TENM4: variants seen among roughly 807,000 people sequenced by gnomAD.
The protein encoded by TENM4 is teneurin transmembrane protein 4.
TENM4 carries 82 observed loss-of-function variants against 243.3 expected under a neutral mutation model. The observed-to-expected ratio is 0.34, with a 90% CI of 0.28 to 0.40. TENM4 has a LOEUF of 0.40. TENM4 is among the 10% of genes least tolerant of loss of function. The pLI is 1.00. For missense variants in TENM4, 3,138 were observed against 3,673.3 expected (o/e 0.85, Z 3.77); for synonymous variants, 1,412 against 1,456.3 (o/e 0.97, Z 0.69).
At chr11:79,000,574 A>T (rs975279051) in intron 6 of TENM4, among the ~76,000 whole-genome samples, 1 of 152,216 alleles carries the variant, frequency 6.6e-6, no homozygotes, top group African/African-American at 2.4e-5. Context: ...TGACAAATTA[A>T]AATGCATTTT....
intron 6 of TENM4, among the ~76,000 whole-genome samples, chr11:79,010,366 C>A (rs1858612861): frequency 6.6e-6 from 1 of 152,086 alleles, no homozygotes; most frequent in South Asian, 2.1e-4. Context: ...TACTTTGGGC[C>A]ACTGGGGCTC....
chr11:78,881,660 C>A (rs1032476660), intron 9 of TENM4, among the ~76,000 whole-genome samples: 1 of 152,180 alleles, frequency 6.6e-6, no homozygotes, highest in Non-Finnish European at 1.5e-5. Flanking sequence ...GATCAAATGA[C>A]AAACCCCATA....
intron 1 of TENM4, among the ~76,000 whole-genome samples, chr11:79,330,014 A>C (rs933034784): frequency 6.6e-6 from 1 of 152,362 alleles, no homozygotes. Context: ...AGTGGAAATA[A>C]AGAGCAGTGG....
chr11:78,969,703 C>T (rs1384980731), intron 6 of TENM4, among the ~76,000 whole-genome samples: 1 of 152,156 alleles, frequency 6.6e-6, no homozygotes, highest in Non-Finnish European at 1.5e-5. Flanking sequence ...TGTGAGTCCT[C>T]AACAGTAACA....
At chr11:79,245,535 CA>C (rs1464277599) in intron 2 of TENM4, among the ~76,000 whole-genome samples, 1 of 152,126 alleles carries the variant, frequency 6.6e-6, no homozygotes, top group Non-Finnish European at 1.5e-5. Flanking sequence ...ACCTGAAAAG[CA>C]GGGATAATAA....
At chr11:79,087,340 C>A (rs76991328) in intron 4 of TENM4, among the ~76,000 whole-genome samples, 8 of 152,180 alleles carry the variant, frequency 5.3e-5, no homozygotes, top group African/African-American at 1.4e-4. Context: ...AACTACCCCC[C>A]AGTTAGAAGG....
chr11:79,220,081 G>C (rs968087475), intron 2 of TENM4, among the ~76,000 whole-genome samples: 1 of 152,204 alleles, frequency 6.6e-6, no homozygotes, highest in African/African-American at 2.4e-5. Flanking sequence ...GAACCTGCTG[G>C]GTCCCTGAAG....
rs368975026 is a variant in TENM4, at chr11:79,006,965, A to G, written c.493+57773T>C. ...GCCCTCCTTCATGTAGGTGGCCTTC[A>G]TTCACTCAGTTGAAGGCCTGAATAA... On this transcript the variant is annotated intron_variant, in intron 6 of 33. Coordinates refer to ENST00000278550, the MANE Select transcript of TENM4 (RefSeq NM_001098816.3). Among the ~76,000 whole-genome samples, 42 of 152,282 alleles carry G rather than the reference A, an allele frequency of 2.8e-4. No individual in the cohort carries two copies. The South Asian group carries it at 8.1e-3, about 29-fold the overall frequency.
intron 4 of TENM4, among the ~76,000 whole-genome samples, chr11:79,072,764 G>T (rs1463295193): frequency 6.6e-6 from 1 of 152,032 alleles, no homozygotes; most frequent in Non-Finnish European, 1.5e-5. Flanking sequence ...TGCTGCCTCT[G>T]CCTGTTTACT....
chr11:79,337,840 G>A (rs923015929), intron 1 of TENM4, among the ~76,000 whole-genome samples: 6 of 152,172 alleles, frequency 3.9e-5, no homozygotes, highest in African/African-American at 1.4e-4. Flanking sequence ...CCAAGGACAG[G>A]GGCAAAGTGG....
chr11:79,196,676 G>C (rs2135179664), intron 3 of TENM4, among the ~76,000 whole-genome samples: 1 of 152,188 alleles, frequency 6.6e-6, no homozygotes, highest in African/African-American at 2.4e-5. Context: ...ATTTCCAGGG[G>C]GTGCATTCTC....
intron 16 of TENM4, among the ~76,000 whole-genome samples, chr11:78,779,970 G>A (rs921981744): frequency 2.6e-5 from 4 of 152,186 alleles, no homozygotes; most frequent in Admixed American, 6.5e-5. Flanking sequence ...TCAGGTATCC[G>A]TGTGGTCTCT....
At chr11:78,921,939 T>C (rs1306299485) in intron 6 of TENM4, among the ~76,000 whole-genome samples, 1 of 152,192 alleles carries the variant, frequency 6.6e-6, no homozygotes, top group African/African-American at 2.4e-5. Context: ...ACGAATGTCA[T>C]CTCTACCATC....
intron 3 of TENM4, among the ~76,000 whole-genome samples, chr11:79,162,722 T>A (rs1862778158): frequency 6.6e-6 from 1 of 152,100 alleles, no homozygotes; most frequent in Non-Finnish European, 1.5e-5. Flanking sequence ...CTGGTCTAGT[T>A]GTTGGGTTTG....
chr11:79,214,651 T>G (rs1864015415), intron 3 of TENM4, among the ~76,000 whole-genome samples: 1 of 152,220 alleles, frequency 6.6e-6, no homozygotes, highest in Non-Finnish European at 1.5e-5. Flanking sequence ...AATATCCATG[T>G]CTTCCCACAC....
intron 1 of TENM4, among the ~76,000 whole-genome samples, chr11:79,414,690 AT>A (rs1260440969): frequency 6.6e-6 from 1 of 152,098 alleles, no homozygotes; most frequent in Non-Finnish European, 1.5e-5. Context: ...TTGCTTTTTC[AT>A]TTTTTTAAAA....
intron 6 of TENM4, among the ~76,000 whole-genome samples, chr11:78,923,294 G>C (rs1003060701): frequency 6.6e-6 from 1 of 152,078 alleles, no homozygotes; most frequent in Non-Finnish European, 1.5e-5. Context: ...CATAAAAGAC[G>C]TAGCCTGTCC....
At chr11:79,343,623 ATGG>A (rs1462577933) in intron 1 of TENM4, among the ~76,000 whole-genome samples, 1 of 152,164 alleles carries the variant, frequency 6.6e-6, no homozygotes, top group African/African-American at 2.4e-5. Flanking sequence ...AATGCTTAAT[ATGG>A]TCTAAAGAAA....
At chr11:79,149,436 A>G (rs1279333340) in intron 3 of TENM4, among the ~76,000 whole-genome samples, 2 of 152,096 alleles carry the variant, frequency 1.3e-5, no homozygotes, top group Non-Finnish European at 2.9e-5. Context: ...AACTTTTGAT[A>G]TTTAATATTT....
Sources: gnomAD v4.1 joint callset for allele counts (sites outside exome capture counted in the v4.1 genomes callset) on GRCh38, gnomAD v4.1.1 for gene constraint, MANE v1.5 for transcripts, NCBI Gene and HGNC (gene_info 2026-07-23, HGNC 2026-07-21) for gene names.